Variants in MROH1 observed in about 807,000 individuals in gnomAD.
MROH1 encodes maestro heat like repeat family member 1, also known as maestro heat-like repeat-containing protein family member 1.
Under a neutral mutation model 116.5 loss-of-function variants are expected in MROH1, and 117 were observed. The observed-to-expected ratio is 1.00, with a 90% CI of 0.86 to 1.17. The LOEUF (loss-of-function observed/expected upper bound fraction) is 1.17. MROH1 is among the 50% of genes most tolerant of loss of function. MROH1 has a pLI of 0.00. For missense variants in MROH1, 1,873 were observed against 1,338.5 expected (o/e 1.40, Z -6.23); for synonymous variants, 921 against 583.9 (o/e 1.58, Z -8.32).
chr8:144,186,139 G>C (rs1564425446), intron 7 of MROH1, among the ~76,000 whole-genome samples: 1 of 135,224 alleles, frequency 7.4e-6, no homozygotes, highest in East Asian at 2.2e-4. Context: ...TTTTTTTTTG[G>C]AGACAGGGTC....
rs1197032099 is a variant in MROH1 at position 144,258,921 on chromosome 8, G to A, written c.3929+7G>A. 69 of 738,188 alleles carry A rather than the reference G, an allele frequency of 9.3e-5. 2 individuals are homozygous for A. Among genetic ancestry groups the A allele is most frequent in the South Asian group, 6.4e-4 (44 of 69,132 alleles). The allele number at this position is 738,188 out of a possible 1,614,324, so 45.7% of individuals were successfully genotyped here. A position where few individuals can be genotyped will look rare whatever the true frequency, so the allele number is the denominator to read the frequency against. ...GGGCCACCAGGTTGGCCAGGTGAGC[G>A]GGCCCAGCCCACTGCAGCTCCAGCA... On this transcript the variant is annotated splice_region_variant and intron_variant, in intron 36 of 43. Transcript: ENST00000326134.
In MROH1 at chr8:144,189,576, C is replaced by G. The variant is rs1017249657; in HGVS notation, c.563-1208C>G. ...AGCCTCTGCCCGCTCCCAGCTCTGC[C>G]CGCTCCCAGCTCTGCCCTCAGGGTC... is the stretch of plus-strand genomic sequence containing the variant. On this transcript the variant is annotated intron_variant, in intron 7 of 43. Coordinates refer to ENST00000326134, the MANE Select transcript of MROH1 (RefSeq NM_032450.3). Among the ~76,000 whole-genome samples the G allele has an allele frequency of 3.9e-5, 6 of 152,212 alleles. No homozygotes were observed. In the South Asian group the frequency reaches 6.2e-4, roughly 16 times the overall value.
At position 144,260,664 on chromosome 8, in the gene MROH1, A is replaced by G; in HGVS notation, c.4381-13A>G. ...CAGCCTGTGAGGAGACGTATGCTGC[A>G]TGTCCTTCCCAGGAGAAGATGGAGT... On this transcript the variant is annotated splice_polypyrimidine_tract_variant and intron_variant, in intron 39 of 43. Transcript: ENST00000326134. 2 of 778,242 alleles carry G rather than the reference A, an allele frequency of 2.6e-6. No homozygotes were observed. The highest frequency in any genetic ancestry group is 4.8e-6 in the Non-Finnish European group (2 of 417,768). The allele number at this position is 778,242 out of a possible 1,614,324, so 48.2% of individuals were successfully genotyped here.
At chr8:144,200,302 C>T (rs1830810505) in intron 11 of MROH1, 126 bp from the exon 12 acceptor site, 1 of 749,066 alleles carries the variant, frequency 1.3e-6, no homozygotes, top group South Asian at 2.1e-5. Context: ...ATTAGGTGAC[C>T]CCAGCTTCTC....
rs1319676444 is a variant in MROH1 at position 144,198,061 on chromosome 8, AAAAG to A, written c.949-1053_949-1050del. On this transcript the variant is annotated intron_variant, in intron 10 of 43. Transcript: ENST00000326134. ...CAAAACTGTTTCAAAAAAAAAAAAA[AAAAG>A]AAAGAAAAATAAATAACAAGGAGCT... Among the ~76,000 whole-genome samples the A allele has an allele frequency of 2.4e-3, 346 of 146,992 alleles. 3 individuals carry two copies. Among genetic ancestry groups the A allele is most frequent in the African/African-American group, 8.9e-3 (332 of 37,250 alleles).
At chr8:144,257,107 G>A (rs1227646114) in intron 35 of MROH1, among the ~76,000 whole-genome samples, 1 of 152,220 alleles carries the variant, frequency 6.6e-6, no homozygotes, top group Non-Finnish European at 1.5e-5. Flanking sequence ...GCAGTGACTG[G>A]TGTGGCTCTG....
intron 1 of MROH1, among the ~76,000 whole-genome samples, chr8:144,152,555 A>ATTATTTTTTTTTT (rs1369841266): frequency 1.5e-5 from 2 of 130,590 alleles, no homozygotes; most frequent in African/African-American, 5.6e-5. Flanking sequence ...TATTATTATT[A>ATTATTTTTTTTTT]TTTTTTTTTT....
rs769628889 is a variant in MROH1 at position 144,200,472 on chromosome 8, C to T, written c.1072C>T (p.Leu358=). Residue 358 remains leucine, a synonymous_variant, in exon 12 of 44, where the codon CTG becomes TTG. Transcript: ENST00000326134. ...CCTACTGGCCTTCCTGCTGCCCAGGCTGGACACCAGCAATGAGAGGACCCG... is the reference window on the plus strand; with the variant it reads ...CCTACTGGCCTTCCTGCTGCCCAGGTTGGACACCAGCAATGAGAGGACCCG... ...DRLLAFLLPR[L]DTSNERTRVG... The T allele has an allele frequency of 6.4e-7, 1 of 1,551,912 alleles. No homozygotes were observed. The highest frequency in any genetic ancestry group is 1.2e-5 in the South Asian group (1 of 84,062).
At chr8:144,259,477 T>C in intron 37 of MROH1, 123 bp downstream of exon 37, 1 of 692,652 alleles carries the variant, frequency 1.4e-6, no homozygotes, top group South Asian at 1.5e-5. Context: ...GGAGGTTATG[T>C]GGATGCTAGC....
intron 14 of MROH1, among the ~76,000 whole-genome samples, chr8:144,231,732 G>C (rs1250576457): frequency 6.6e-6 from 1 of 152,170 alleles, no homozygotes. Context: ...ATGTGACACA[G>C]AGACACACAC....
In MROH1 at chr8:144,163,109, GTC is replaced by G; in HGVS notation, c.-56-657_-56-656del. On this transcript the variant is annotated intron_variant, in intron 2 of 43. Coordinates refer to ENST00000326134, the MANE Select transcript of MROH1 (RefSeq NM_032450.3). The surrounding 1 kb of genome is among the most constrained non-coding windows in gnomAD (Gnocchi z 4.4). ...TGGCTGGTCAGGGATGGGTCATGGT[GTC>G]TCTCCTTCATTTTTCTCTGGAGTAT... 6.6e-6 allele frequency among the ~76,000 whole-genome samples: 1 copy of G among 152,278 alleles called. No individual in the cohort carries two copies. The highest frequency in any genetic ancestry group is 2.1e-4 in the South Asian group (1 of 4,826).
chr8:144,177,791 C>T (rs527802724), intron 4 of MROH1, among the ~76,000 whole-genome samples: 6 of 152,224 alleles, frequency 3.9e-5, no homozygotes, highest in Admixed American at 1.3e-4. Context: ...TTCTCTTCCT[C>T]CTCCTCTGTC....
intron 13 of MROH1, among the ~76,000 whole-genome samples, chr8:144,222,746 G>A (rs1308097199): frequency 6.6e-6 from 1 of 152,018 alleles, no homozygotes; most frequent in Non-Finnish European, 1.5e-5. Context: ...GCAAGTGTGG[G>A]TGCAGGCATA....
intron 33 of MROH1, among the ~76,000 whole-genome samples, chr8:144,253,107 T>A (rs1257697700): frequency 2.0e-5 from 3 of 151,392 alleles, no homozygotes; most frequent in Admixed American, 2.0e-4. Context: ...TGAGCTGAGA[T>A]CGCGCCGTTG....
At chr8:144,239,471 C>T in intron 17 of MROH1, 108 bp downstream of exon 17, 1 of 773,058 alleles carries the variant, frequency 1.3e-6, no homozygotes, top group Non-Finnish European at 2.4e-6. Context: ...GGTCAGGGCT[C>T]AGGTGTGGTT....
chr8:144,180,654 C>T lies in MROH1; in HGVS notation c.562+131C>T. On this transcript the variant is annotated intron_variant, in intron 7 of 43. Transcript: ENST00000326134. This position sits in a 1 kb window ranked among gnomAD's most constrained non-coding sequence, Gnocchi z 7.4. ...AAGGGGGGCTGTTGGAGGGAGGGGC[C>T]CCCTGGCTGAGGCTGCTGGCTGGTT... 1.2e-6 allele frequency: 1 copy of T among 857,646 alleles called. No individual in the cohort carries two copies. Among genetic ancestry groups the T allele is most frequent in the Non-Finnish European group, 1.8e-6 (1 of 566,796 alleles). The allele number at this position is 857,646 out of a possible 1,614,324, so 53.1% of individuals were successfully genotyped here. A position where few individuals can be genotyped will look rare whatever the true frequency, so the allele number is the denominator to read the frequency against.
chr8:144,259,349 G>A lies in MROH1; in HGVS notation c.4039G>A (p.Ala1347Thr). 4 of 715,082 alleles carry A rather than the reference G, an allele frequency of 5.6e-6. No individual in the cohort carries two copies. The highest frequency in any genetic ancestry group is 1.0e-5 in the Non-Finnish European group (4 of 384,868). The allele number at this position is 715,082 out of a possible 1,614,324, so 44.3% of individuals were successfully genotyped here. ...GAGGGTGACCACCACCGCCTTCCTG[G>A]CCGAGGTAGGCCCTTCCAGGGACGG... ...NQRVTTTAFL[A>T]ELLNSNVAND... Residue 1347 changes from alanine (A) to threonine (T), a missense_variant, in exon 37 of 44, where the codon GCC becomes ACC. Ala to Thr is a moderately conservative substitution (Grantham distance 58, BLOSUM62 0). Transcript: ENST00000326134.
rs376916934 is a variant in MROH1 at position 144,214,835 on chromosome 8, G to A, written c.1142-5765G>A. Among the ~76,000 whole-genome samples the A allele has an allele frequency of 7.2e-5, 11 of 152,220 alleles. No individual in the cohort carries two copies. In the East Asian group the frequency reaches 1.5e-3, roughly 21 times the overall value. ...ATGTGTATATGAAGGGGAATTTCACGATCACAGGGTCCCACAATAGGTGGT... is the reference window on the plus strand; with the variant it reads ...ATGTGTATATGAAGGGGAATTTCACAATCACAGGGTCCCACAATAGGTGGT... On this transcript the variant is annotated intron_variant, in intron 12 of 43. Transcript: ENST00000326134.
chr8:144,168,730 G>A (rs1372231124), intron 4 of MROH1, among the ~76,000 whole-genome samples: 2 of 152,208 alleles, frequency 1.3e-5, no homozygotes, highest in African/African-American at 4.8e-5. Context: ...GCCGGGCTGT[G>A]TGCCTAGTGC....
Sources: gnomAD v4.1 joint callset for allele counts (sites outside exome capture counted in the v4.1 genomes callset) on GRCh38, gnomAD v4.1.1 for gene constraint, Gnocchi (gnomAD v3.1) non-coding constraint, MANE v1.5 for transcripts, NCBI Gene and HGNC (gene_info 2026-07-23, HGNC 2026-07-21) for gene names.